SPATA6: variants seen among roughly 807,000 people sequenced by gnomAD.
SPATA6 encodes spermatogenesis associated 6, also known as spermatogenesis-associated protein 6.
Under a neutral mutation model 65.3 loss-of-function variants are expected in SPATA6, and 56 were observed. The ratio of observed to expected loss-of-function variants is 0.86; its 90% CI spans 0.69 to 1.07. SPATA6 has a LOEUF of 1.07. Ranked by LOEUF, SPATA6 falls within the 50% of genes least tolerant of loss-of-function variation. SPATA6 has a pLI of 0.00. For missense variants in SPATA6, 590 were observed against 594.8 expected (o/e 0.99, Z 0.08); for synonymous variants, 199 against 213.2 (o/e 0.93, Z 0.58).
chr1:48,465,999 C>A (rs932640664), intron 1 of SPATA6, among the ~76,000 whole-genome samples: 2 of 152,056 alleles, frequency 1.3e-5, no homozygotes, highest in Admixed American at 6.6e-5. Flanking sequence ...ACATTCAAGT[C>A]ATGCAGGATA....
intron 3 of SPATA6, among the ~76,000 whole-genome samples, chr1:48,432,481 T>A (rs915676084): frequency 6.6e-6 from 1 of 152,104 alleles, no homozygotes; most frequent in Non-Finnish European, 1.5e-5. Context: ...AATACTTAAA[T>A]AGACATTTCT....
At chr1:48,284,220 G>A in the SPATA6 span, among the ~76,000 whole-genome samples, 1 of 151,804 alleles carries the variant, frequency 6.6e-6, no homozygotes, top group Admixed American at 6.6e-5. Context: ...TGATCAATTT[G>A]GCTATTGATA....
At chr1:48,360,239 A>G (rs1055562177) in intron 9 of SPATA6, among the ~76,000 whole-genome samples, 1 of 152,166 alleles carries the variant, frequency 6.6e-6, no homozygotes, top group African/African-American at 2.4e-5. Flanking sequence ...TGTGGAACAT[A>G]TATTCTGGTA....
intron 7 of SPATA6, among the ~76,000 whole-genome samples, chr1:48,396,948 A>G (rs540121316): frequency 6.6e-6 from 1 of 151,836 alleles, no homozygotes; most frequent in Non-Finnish European, 1.5e-5. Flanking sequence ...ACAATTTAAA[A>G]AAACAAATTT....
chr1:48,386,582 A>G (rs1649492170), intron 8 of SPATA6, among the ~76,000 whole-genome samples: 1 of 152,242 alleles, frequency 6.6e-6, no homozygotes, highest in South Asian at 2.1e-4. Flanking sequence ...AGGAAGCAAG[A>G]TGGCCTGTAC....
intron 11 of SPATA6, among the ~76,000 whole-genome samples, chr1:48,318,973 A>G (rs1355292862): frequency 2.0e-5 from 3 of 152,224 alleles, no homozygotes; most frequent in Non-Finnish European, 2.9e-5. Context: ...ATACATTTAT[A>G]GTCAACTGAT....
chr1:48,294,022 TTC>T (rs538682095), downstream of SPATA6, among the ~76,000 whole-genome samples: 65 of 152,368 alleles, frequency 4.3e-4, no homozygotes, highest in Admixed American at 1.1e-3. Flanking sequence ...ATGTTGGATT[TTC>T]TCTCTTACTT....
chr1:48,278,004 C>G, the SPATA6 span, among the ~76,000 whole-genome samples: 1 of 152,212 alleles, frequency 6.6e-6, no homozygotes, highest in East Asian at 1.9e-4. Context: ...AATGATCAGA[C>G]AGCAGCATTC....
chr1:48,471,826 G>C (rs1168653859), intron 1 of SPATA6, 132 bp downstream of exon 1: 1 of 1,057,984 alleles, frequency 9.5e-7, no homozygotes, highest in Non-Finnish European at 1.4e-6. Flanking sequence ...GGACCGAAGG[G>C]GCGTGAGGTC....
the SPATA6 span, among the ~76,000 whole-genome samples, chr1:48,288,236 T>A: frequency 1.3e-5 from 2 of 152,232 alleles, no homozygotes; most frequent in Non-Finnish European, 2.9e-5. Context: ...TCTATGTTAA[T>A]CAGAGATATT....
chr1:48,452,403 A>T (rs375796020), intron 2 of SPATA6, among the ~76,000 whole-genome samples: 49 of 136,428 alleles, frequency 3.6e-4, no homozygotes, highest in African/African-American at 1.5e-3. Context: ...TTTTTTTTTT[A>T]GATGGAGTCT....
chr1:48,302,541 G>C (rs1350972438), intron 12 of SPATA6, among the ~76,000 whole-genome samples: 1 of 152,202 alleles, frequency 6.6e-6, no homozygotes, highest in Non-Finnish European at 1.5e-5. Flanking sequence ...CAAATGACTA[G>C]TCAGAGCCAG....
At position 48,472,132 on chromosome 1, in the gene SPATA6, A is replaced by C. The variant is rs1344615226; in HGVS notation, c.-124T>G. The C allele has an allele frequency of 2.7e-6, 2 of 738,586 alleles. No individual in the cohort carries two copies. The highest frequency in any genetic ancestry group is 7.1e-5 in the Admixed American group (2 of 27,998). The allele number at this position is 738,586 out of a possible 1,614,324, so 45.8% of individuals were successfully genotyped here. On this transcript the variant is annotated 5_prime_UTR_variant, in exon 1 of 13. Coordinates refer to ENST00000371847, the MANE Select transcript of SPATA6 (RefSeq NM_019073.4). ...GGCGGCGGTGGCAGCAGTGGCCCCCAGGCCGGGGCCCGCGGTCCAGCCTGG... is the reference window on the plus strand; with the variant it reads ...GGCGGCGGTGGCAGCAGTGGCCCCCCGGCCGGGGCCCGCGGTCCAGCCTGG...
chr1:48,409,812 G>A (rs1296977013), intron 5 of SPATA6, among the ~76,000 whole-genome samples: 1 of 152,222 alleles, frequency 6.6e-6, no homozygotes, highest in Non-Finnish European at 1.5e-5. Flanking sequence ...TGGAGTGGCT[G>A]AGACACAGCA....
chr1:48,370,201 T>C (rs1225960184), intron 9 of SPATA6, among the ~76,000 whole-genome samples: 2 of 152,178 alleles, frequency 1.3e-5, no homozygotes, highest in East Asian at 1.9e-4. Flanking sequence ...ACATAGTGCC[T>C]AGTATCACAC....
chr1:48,366,475 G>T (rs550885822), intron 9 of SPATA6, among the ~76,000 whole-genome samples: 2,193 of 152,138 alleles, frequency 0.014, 53 homozygotes, highest in African/African-American at 0.05. Flanking sequence ...CAATTTCAGA[G>T]GCTGTTATTG....
chr1:48,345,963 G>A (rs1018077936), intron 11 of SPATA6, among the ~76,000 whole-genome samples: 25 of 151,978 alleles, frequency 1.6e-4, no homozygotes, highest in African/African-American at 6.0e-4. Context: ...ACAAATTTGA[G>A]GATGAGGAAC....
intron 1 of SPATA6, among the ~76,000 whole-genome samples, chr1:48,464,333 C>CA (rs547043008): frequency 1.8e-3 from 270 of 152,026 alleles, no homozygotes; most frequent in African/African-American, 6.3e-3. Context: ...CAAAACAAAA[C>CA]AAAGGATTGT....
chr1:48,471,950 G>A lies in SPATA6; in HGVS notation c.51+8C>T. 2.5e-6 allele frequency: 4 copies of A among 1,610,094 alleles called. No individual in the cohort carries two copies. On this transcript the variant is annotated splice_region_variant and intron_variant, in intron 1 of 12. Coordinates refer to ENST00000371847, the MANE Select transcript of SPATA6 (RefSeq NM_019073.4). ...TGCCCGGGGGTGGGAGGCGCTACCG[G>A]TACTCACTGAGCTGATCTCCAGCGC...
Sources: allele counts gnomAD v4.1 joint callset (sites outside exome capture counted in the v4.1 genomes callset), GRCh38; gene constraint gnomAD v4.1.1; transcripts MANE v1.5; gene names NCBI Gene and HGNC (gene_info 2026-07-23, HGNC 2026-07-21).